Variants in ASH1L observed in about 807,000 individuals in gnomAD.
ASH1L encodes the protein ASH1 like histone lysine methyltransferase.
A neutral mutation model predicts 269.0 loss-of-function variants in ASH1L; 23 were observed. The observed-to-expected ratio is 0.09, with a 90% CI of 0.06 to 0.12. The LOEUF (loss-of-function observed/expected upper bound fraction) is 0.12, where lower values mean the gene tolerates loss of function less well. ASH1L is among the 10% of genes least tolerant of loss of function. The probability of loss-of-function intolerance (pLI) is 1.00; values close to 1 mark genes in which losing one functional copy is unlikely to be tolerated. For synonymous variants in ASH1L, 1,187 were observed against 1,253.5 expected (o/e 0.95, Z 1.12); for missense variants, 2,912 against 3,567.8 (o/e 0.82, Z 4.68).
intron 1 of ASH1L, among the ~76,000 whole-genome samples, chr1:155,531,139 TAAAG>T (rs1245495382): frequency 3.4e-5 from 5 of 145,776 alleles, no homozygotes; most frequent in East Asian, 2.0e-4. Flanking sequence ...GTCTGGGCAA[TAAAG>T]AGAGACCCCC....
chr1:155,493,505 A>C (rs1002058835), intron 2 of ASH1L, among the ~76,000 whole-genome samples: 1 of 152,244 alleles, frequency 6.6e-6, no homozygotes, highest in Non-Finnish European at 1.5e-5. Context: ...AATACTTTCT[A>C]ACTATAACTG....
rs563637794 is a variant in ASH1L, at chr1:155,371,632, T to C, written c.6333-649A>G. Among the ~76,000 whole-genome samples, 27 of 152,160 alleles carry C rather than the reference T, an allele frequency of 1.8e-4. 1 individual carries two copies. In the South Asian group the frequency reaches 4.6e-3, roughly 26 times the overall value. ...TGATGATGATTTCACTGTACTCTTA[T>C]TTTGAAGCACTCATGCCCATTTACT... On this transcript the variant is annotated intron_variant, in intron 10 of 27. Coordinates refer to ENST00000392403, the MANE Select transcript of ASH1L (RefSeq NM_018489.3).
chr1:155,543,518 A>T (rs975495690), intron 1 of ASH1L, among the ~76,000 whole-genome samples: 2 of 151,656 alleles, frequency 1.3e-5, no homozygotes, highest in African/African-American at 4.8e-5. Flanking sequence ...TCAAAAAAAA[A>T]AAAAAAAAAA....
intron 2 of ASH1L, among the ~76,000 whole-genome samples, chr1:155,493,883 T>A (rs888558588): frequency 1.3e-5 from 2 of 151,306 alleles, no homozygotes; most frequent in African/African-American, 2.4e-5. Flanking sequence ...CAAAAAAAAA[T>A]TTTTTTTTCA....
intron 24 of ASH1L, among the ~76,000 whole-genome samples, chr1:155,342,666 G>A (rs1278941024): frequency 2.0e-5 from 3 of 152,132 alleles, no homozygotes; most frequent in African/African-American, 7.2e-5. Context: ...GAGTGCTTTT[G>A]TAGATTATTT....
At chr1:155,459,956 A>T in intron 3 of ASH1L, 58 bp from the exon 4 acceptor site, 1 of 1,345,522 alleles carries the variant, frequency 7.4e-7, no homozygotes, top group Non-Finnish European at 1.0e-6. Context: ...AAATAATGTG[A>T]AACCATCTTT....
chr1:155,515,832 TA>T (rs755945664), intron 2 of ASH1L, among the ~76,000 whole-genome samples: 3,991 of 106,776 alleles, frequency 0.037, 122 homozygotes, highest in African/African-American at 0.11. Flanking sequence ...GACTCTGCCT[TA>T]AAAAAAAAAA....
chr1:155,352,434 T>C (rs1013145136), intron 17 of ASH1L, among the ~76,000 whole-genome samples: 1 of 151,942 alleles, frequency 6.6e-6, no homozygotes, highest in Non-Finnish European at 1.5e-5. Flanking sequence ...TTTTTCTCTT[T>C]ATATCCTTAG....
chr1:155,404,361 GA>G (rs1370135876), intron 6 of ASH1L, among the ~76,000 whole-genome samples: 1 of 151,686 alleles, frequency 6.6e-6, no homozygotes, highest in Non-Finnish European at 1.5e-5. Context: ...CTTTAAAAAA[GA>G]AAAAAATCCA....
At chr1:155,538,989 C>T (rs561487129) in intron 1 of ASH1L, among the ~76,000 whole-genome samples, 1 of 152,134 alleles carries the variant, frequency 6.6e-6, no homozygotes, top group South Asian at 2.1e-4. Flanking sequence ...CTACAGGTTA[C>T]TATGATAGTA....
Position 155,444,591 on chromosome 1 carries a change from A to T in ASH1L, c.5087-5523T>A, listed in dbSNP as rs75235642. ...TGGGTTCTTTTATTTTTTGGCTTAC[A>T]TTTTCATTTTCTTAAATAATGTTTT... On this transcript the variant is annotated intron_variant, in intron 4 of 27. Transcript: ENST00000392403. Among the ~76,000 whole-genome samples the T allele has an allele frequency of 2.4e-4, 36 of 151,768 alleles. 1 individual carries two copies. Among genetic ancestry groups the T allele is most frequent in the African/African-American group, 8.7e-4 (36 of 41,298 alleles).
Position 155,417,818 on chromosome 1 carries a change from T to G in ASH1L, c.5829-1895A>C, listed in dbSNP as rs547467935. On this transcript the variant is annotated intron_variant, in intron 5 of 27. Coordinates refer to ENST00000392403, the MANE Select transcript of ASH1L (RefSeq NM_018489.3). Reference sequence around the variant, plus strand: ...TACTAAAAATACAAAATTAGGCGGGTGTGGTGGTGCAAGCCCGTAGTCCCA... The same window carrying G: ...TACTAAAAATACAAAATTAGGCGGGGGTGGTGGTGCAAGCCCGTAGTCCCA... Among the ~76,000 whole-genome samples the G allele has an allele frequency of 4.0e-5, 6 of 151,382 alleles. No homozygotes were observed. In the South Asian group the frequency reaches 1.3e-3, roughly 32 times the overall value.
chr1:155,562,480 C>T lies in ASH1L; in HGVS notation c.-427G>A, dbSNP rs529666565. 1.4e-6 allele frequency: 2 copies of T among 1,477,426 alleles called. No homozygotes were observed. The highest frequency in any genetic ancestry group is 2.8e-5 in the African/African-American group (2 of 71,802). The allele number at this position is 1,477,426 out of a possible 1,614,324, so 91.5% of individuals were successfully genotyped here. ...GTGGCGGCGGTGGCGGCGGCAGCTC[C>T]TCCAGAGGGAGGGAGCGAAGGGCGC... On this transcript the variant is annotated 5_prime_UTR_variant, in exon 1 of 28. Transcript: ENST00000392403.
intron 1 of ASH1L, among the ~76,000 whole-genome samples, chr1:155,529,249 G>A (rs1349892292): frequency 6.6e-6 from 1 of 152,056 alleles, no homozygotes; most frequent in Non-Finnish European, 1.5e-5. Flanking sequence ...TCTGTTTTTA[G>A]GTCTTTGAGG....
At chr1:155,550,952 G>A (rs991711409) in intron 1 of ASH1L, among the ~76,000 whole-genome samples, 5 of 151,982 alleles carry the variant, frequency 3.3e-5, no homozygotes, top group African/African-American at 1.2e-4. Context: ...CTCCCAAGTA[G>A]CTGGGACTAC....
intron 17 of ASH1L, among the ~76,000 whole-genome samples, chr1:155,351,303 A>G (rs1186541055): frequency 1.3e-5 from 2 of 151,816 alleles, no homozygotes; most frequent in African/African-American, 2.4e-5. Context: ...TAATCCCAGC[A>G]CTTTGGGAGG....
intron 2 of ASH1L, among the ~76,000 whole-genome samples, chr1:155,490,685 C>T (rs1425535161): frequency 6.6e-6 from 1 of 151,362 alleles, no homozygotes; most frequent in Non-Finnish European, 1.5e-5. Context: ...GGCCAGGCCT[C>T]GTGGCTCACA....
intron 1 of ASH1L, among the ~76,000 whole-genome samples, chr1:155,551,091 G>A (rs1255462099): frequency 6.6e-6 from 1 of 152,104 alleles, no homozygotes; most frequent in Admixed American, 6.6e-5. Flanking sequence ...AAAGTCCTGG[G>A]ATTACAGGGG....
intron 6 of ASH1L, among the ~76,000 whole-genome samples, chr1:155,407,250 A>G (rs189672291): frequency 3.3e-4 from 51 of 152,308 alleles, no homozygotes; most frequent in African/African-American, 7.7e-4. Context: ...GAAATTCCTC[A>G]CCTATTAGAT....
Sources: gnomAD v4.1 joint callset for allele counts (sites outside exome capture counted in the v4.1 genomes callset) on GRCh38, gnomAD v4.1.1 for gene constraint, MANE v1.5 for transcripts, NCBI Gene and HGNC (gene_info 2026-07-23, HGNC 2026-07-21) for gene names.